MYH7B: variants seen among roughly 807,000 people sequenced by gnomAD.
MYH7B encodes the protein myosin heavy chain 7B.
A neutral mutation model predicts 234.5 loss-of-function variants in MYH7B; 205 were observed. The ratio of observed to expected loss-of-function variants is 0.87; its 90% CI spans 0.78 to 0.98. The LOEUF (loss-of-function observed/expected upper bound fraction) is 0.98. Ranked by LOEUF, MYH7B falls within the 50% of genes least tolerant of loss-of-function variation. The pLI is 0.00. For missense variants in MYH7B, 2,652 were observed against 2,633.4 expected (o/e 1.01, Z -0.15); for synonymous variants, 1,193 against 1,105.0 (o/e 1.08, Z -1.58).
At chr20:34,996,316 G>A (rs777106315) in intron 28 of MYH7B, 30 bp from the exon 29 acceptor site, 28 of 1,555,018 alleles carry the variant, frequency 1.8e-5, no homozygotes, top group African/African-American at 2.7e-5. Flanking sequence ...GGGGAAGGGC[G>A]TCCCCATTCT....
exon 39 of MYH7B, chr20:35,000,376 A>T (rs1324228866): frequency 6.3e-7 from 1 of 1,598,838 alleles, no homozygotes; most frequent in Non-Finnish European, 8.5e-7. Context: ...CTGCGGCTCA[A>T]GAAGAAGATG....
chr20:34,991,467 G>A (rs1431561316), intron 24 of MYH7B, among the ~76,000 whole-genome samples: 2 of 152,220 alleles, frequency 1.3e-5, no homozygotes, highest in African/African-American at 4.8e-5. Flanking sequence ...CAAAAACAGG[G>A]TTTTTTGATT....
chr20:34,966,893 C>T (rs141480092), intron 2 of MYH7B, among the ~76,000 whole-genome samples: 65 of 150,326 alleles, frequency 4.3e-4, no homozygotes, highest in African/African-American at 9.1e-4. Context: ...CCACTGTACT[C>T]GAACATGGGT....
rs530358998 is a variant in MYH7B at position 34,993,787 on chromosome 20, C to T, written c.2444+317C>T. On this transcript the variant is annotated intron_variant, in intron 26 of 44. Transcript: ENST00000262873. The stretch of plus-strand genomic sequence containing the variant: ...TGCATTATCCTGGTTAAAGCGCTGA[C>T]GGTCCTGAGAAACAGGCGCTGTGAT... Among the ~76,000 whole-genome samples the T allele has an allele frequency of 5.9e-5, 9 of 152,368 alleles. No individual in the cohort carries two copies. In the East Asian group the frequency reaches 7.7e-4, roughly 13 times the overall value.
rs747759168 is a variant in MYH7B, at chr20:34,993,459, G to A, written c.2433G>A (p.Leu811=). ...TCATGCGCCTTGAGTACCAGCGCCTGCTGGGAGGCAGGTGGGTGTGGGAAG... is the reference window on the plus strand; with the variant it reads ...TCATGCGCCTTGAGTACCAGCGCCTACTGGGAGGCAGGTGGGTGTGGGAAG... Residue 811 remains leucine (L), a synonymous_variant, in exon 26 of 45, where the codon CTG becomes CTA. Transcript: ENST00000262873. The A allele has an allele frequency of 6.8e-5, 109 of 1,600,400 alleles. No homozygotes were observed. The highest frequency in any genetic ancestry group is 1.7e-4 in the Middle Eastern group (1 of 5,730).
intron 7 of MYH7B, chr20:34,980,093 G>A (rs1272854720): frequency 2.1e-6 from 1 of 482,498 alleles, no homozygotes; most frequent in African/African-American, 1.9e-5. Flanking sequence ...CCGTGCGTGT[G>A]GGCTGGGGCA....
chr20:34,964,740 G>A (rs528903395), intron 2 of MYH7B, among the ~76,000 whole-genome samples: 8 of 152,312 alleles, frequency 5.3e-5, no homozygotes, highest in African/African-American at 1.9e-4. Flanking sequence ...GCAACATAGT[G>A]AGATCCCACC....
At chr20:34,989,658 A>T in intron 19 of MYH7B, 82 bp from the exon 20 acceptor site, 3 of 1,377,370 alleles carry the variant, frequency 2.2e-6, no homozygotes, top group Non-Finnish European at 9.8e-7. Context: ...CCCAGAAGGG[A>T]GGTGGCCTGG....
At chr20:34,973,370 C>T (rs377236268) in intron 2 of MYH7B, among the ~76,000 whole-genome samples, 7 of 152,344 alleles carry the variant, frequency 4.6e-5, no homozygotes, top group Middle Eastern at 6.8e-3. Flanking sequence ...CCATGTGTCC[C>T]TCCCAGCTGT....
chr20:34,977,014 C>A (rs1204922970), intron 3 of MYH7B, among the ~76,000 whole-genome samples: 1 of 152,014 alleles, frequency 6.6e-6, no homozygotes, highest in African/African-American at 2.4e-5. Flanking sequence ...GGTGTTTGCG[C>A]TTTGCAGATG....
exon 32 of MYH7B, chr20:34,997,534 T>C (rs1327311350): frequency 1.2e-6 from 2 of 1,608,028 alleles, no homozygotes; most frequent in Admixed American, 3.4e-5. Context: ...GGGGAGCAGG[T>C]GGACAGCCTG....
Position 35,000,390 on chromosome 20 carries a change from G to A in MYH7B, c.4879G>A (p.Gly1627Ser), listed in dbSNP as rs201963394. ...GCTGCGGCTCAAGAAGAAGATGGAG[G>A]GTGACCTCAACGACCTGGAGCTGCA... The change falls in exon 39 of 45, where the codon GGT becomes AGT. Residue 1627 changes from glycine (G) to serine (S), a missense_variant. Coordinates refer to ENST00000262873, the Ensembl canonical transcript of MYH7B. The A allele has an allele frequency of 3.7e-3, 5,962 of 1,599,930 alleles. 55 individuals are homozygous for A. The highest frequency in any genetic ancestry group is 0.019 in the South Asian group (1,714 of 91,072).
At chr20:34,979,592 G>T in intron 6 of MYH7B, 69 bp from the exon 7 acceptor site, 1 of 1,607,808 alleles carries the variant, frequency 6.2e-7, no homozygotes, top group Non-Finnish European at 8.5e-7. Flanking sequence ...GGGTATGTGG[G>T]TGGGGGTGAC....
At chr20:35,001,095 TGAG>T (rs774277698) in exon 41 of MYH7B, 30 of 1,613,608 alleles carry the variant, frequency 1.9e-5, no homozygotes, top group African/African-American at 2.7e-5. Flanking sequence ...AGGCCCGCCT[TGAG>T]GAGGCAGAAC....
chr20:34,974,653 T>A (rs149691860), intron 2 of MYH7B, among the ~76,000 whole-genome samples: 32 of 152,296 alleles, frequency 2.1e-4, no homozygotes, highest in African/African-American at 7.2e-4. Context: ...ATTCTGTTGG[T>A]CCCTGACAAG....
intron 10 of MYH7B, among the ~76,000 whole-genome samples, chr20:34,983,077 G>A (rs985295816): frequency 6.6e-5 from 10 of 152,074 alleles, no homozygotes; most frequent in African/African-American, 2.4e-4. Context: ...TGTTTTTAAG[G>A]CATAACATTT....
Position 35,000,346 on chromosome 20 carries a change from C to CA in MYH7B, c.4836dup (p.Arg1613ThrfsTer5). 6.3e-7 allele frequency: 1 copy of CA among 1,597,400 alleles called. No individual in the cohort carries two copies. The highest frequency in any genetic ancestry group is 8.5e-7 in the Non-Finnish European group (1 of 1,179,242). On this transcript the variant is annotated frameshift_variant, in exon 39 of 45. Transcript: ENST00000262873. LOFTEE classifies it high-confidence loss of function. Reference sequence around the variant, plus strand: ...CTGCAGGCCTCCCTGGATGCAGAGACACGGGCCCGCAATGAGGCGCTGCGG... The same window carrying CA: ...CTGCAGGCCTCCCTGGATGCAGAGACAACGGGCCCGCAATGAGGCGCTGCGG...
rs200594581 is a variant in MYH7B at position 35,001,152 on chromosome 20, G to A, written c.5469G>A (p.Glu1823=). The A allele has an allele frequency of 2.7e-5, 44 of 1,613,710 alleles. No individual in the cohort carries two copies. In the African/African-American group the frequency reaches 5.2e-4, roughly 19 times the overall value. Residue 1823 remains glutamate (E), a synonymous_variant, in exon 41 of 45, where the codon GAG becomes GAA. Transcript: ENST00000262873. ...GGAAGAAGCAGGTGCAGAAGCTGGA[G>A]GCCAAGGTGTGTGCAGCCCCTCTAG...
exon 27 of MYH7B, chr20:34,994,228 A>G: frequency 6.2e-7 from 1 of 1,613,250 alleles, no homozygotes; most frequent in African/African-American, 1.3e-5. Flanking sequence ...CTTTTTCAAG[A>G]TGAAGCCGCT....
Sources: allele counts gnomAD v4.1 joint callset (sites outside exome capture counted in the v4.1 genomes callset), GRCh38; gene constraint gnomAD v4.1.1; transcripts MANE v1.5; gene names NCBI Gene and HGNC (gene_info 2026-07-23, HGNC 2026-07-21).